UGT1A10: variants seen among roughly 807,000 people sequenced by gnomAD.
The protein encoded by UGT1A10 is UDP glucuronosyltransferase family 1 member A10.
A neutral mutation model predicts 45.8 loss-of-function variants in UGT1A10; 49 were observed. The ratio of observed to expected loss-of-function variants is 1.07; its 90% CI spans 0.85 to 1.36. The LOEUF (loss-of-function observed/expected upper bound fraction) is 1.36. Among genes scored for constraint, UGT1A10 ranks in the 40% most tolerant of loss-of-function variants. The pLI is 0.00. For synonymous variants in UGT1A10, 284 were observed against 249.7 expected, an observed-to-expected ratio of 1.14 and a Z score of -1.29; for missense variants, 745 against 668.6, an observed-to-expected ratio of 1.11 and a Z score of -1.26.
intron 1 of UGT1A10, among the ~76,000 whole-genome samples, chr2:233,677,374 G>A (rs767926381): frequency 9.2e-5 from 14 of 152,146 alleles, no homozygotes; most frequent in Admixed American, 4.6e-4. Flanking sequence ...ACCAACCCGT[G>A]TGTAGTAGAA....
At chr2:233,718,347 A>G (rs1195672744) in intron 1 of UGT1A10, among the ~76,000 whole-genome samples, 2 of 152,214 alleles carry the variant, frequency 1.3e-5, no homozygotes, top group African/African-American at 4.8e-5. Flanking sequence ...TGTCTTTTGG[A>G]TGTGCTGTGT....
chr2:233,752,100 A>T (rs1044606587), intron 1 of UGT1A10, among the ~76,000 whole-genome samples: 1 of 152,250 alleles, frequency 6.6e-6, no homozygotes, highest in Non-Finnish European at 1.5e-5. Context: ...GACAGAAAGT[A>T]GAATCAGAGG....
chr2:233,704,835 A>AT, intron 1 of UGT1A10, among the ~76,000 whole-genome samples: 1 of 152,086 alleles, frequency 6.6e-6, no homozygotes, highest in Non-Finnish European at 1.5e-5. Context: ...TGCTTTTAAA[A>AT]TCAGTTAAGA....
At chr2:233,638,266 T>G (rs1205273109) in intron 1 of UGT1A10, among the ~76,000 whole-genome samples, 3 of 152,206 alleles carry the variant, frequency 2.0e-5, no homozygotes, top group Non-Finnish European at 2.9e-5. Context: ...CATTTATTCC[T>G]TGGCATTTTA....
Position 233,699,187 on chromosome 2 carries a change from T to C in UGT1A10, c.855+61810T>C, listed in dbSNP as rs28898580. ...CTGTCTCTCTGATCCTCACTTCTTC[T>C]TCAGAATCTCATGCTGTTGCATGAA... On this transcript the variant is annotated intron_variant, in intron 1 of 4. Transcript: ENST00000344644. 4.1e-3 allele frequency among the ~76,000 whole-genome samples: 631 copies of C among 152,270 alleles called. 4 individuals are homozygous for C. The highest frequency in any genetic ancestry group is 0.015 in the African/African-American group (604 of 41,566).
chr2:233,699,964 G>A (rs985933821), intron 1 of UGT1A10, among the ~76,000 whole-genome samples: 3 of 152,126 alleles, frequency 2.0e-5, no homozygotes, highest in African/African-American at 4.8e-5. Flanking sequence ...AAAAATACCC[G>A]TCCCCCAACT....
At position 233,773,293 on chromosome 2, in the gene UGT1A10, A is replaced by C. The variant is rs1290134629; in HGVS notation, c.*734A>C. The C allele has an allele frequency of 1.3e-5, 2 of 152,208 alleles. No homozygotes were observed. Among genetic ancestry groups the C allele is most frequent in the African/African-American group, 4.8e-5 (2 of 41,466 alleles). The allele number at this position is 152,208 out of a possible 1,614,324, so 9.4% of individuals were successfully genotyped here. ...TAAAAATAAATTAATAAATTTATAT[A>C]AATTCTATTTAAGTGTTTTCACTGG... is the stretch of plus-strand genomic sequence containing the variant. On this transcript the variant is annotated 3_prime_UTR_variant, in exon 5 of 5. Transcript: ENST00000344644.
In UGT1A10 at chr2:233,731,080, T is replaced by C. The variant is rs548797519; in HGVS notation, c.856-35954T>C. Among the ~76,000 whole-genome samples, 7 of 152,364 alleles carry C rather than the reference T, an allele frequency of 4.6e-5. No individual in the cohort carries two copies. In the South Asian group the frequency reaches 1.2e-3, roughly 27 times the overall value. ...AACTTCCATGATTTAGATCCTTTTG[T>C]ATTCTTATTTCTGTGCCTTTTTTAT... On this transcript the variant is annotated intron_variant, in intron 1 of 4. Coordinates refer to ENST00000344644, the MANE Select transcript of UGT1A10 (RefSeq NM_019075.4).
chr2:233,669,953 G>A (rs1485403669), intron 1 of UGT1A10, among the ~76,000 whole-genome samples: 2 of 152,006 alleles, frequency 1.3e-5, no homozygotes, highest in East Asian at 3.9e-4. Flanking sequence ...CCAAAGTGCT[G>A]GGACTACAGG....
In UGT1A10 at chr2:233,637,171, C is replaced by G; in HGVS notation, c.649C>G (p.His217Asp). The change falls in exon 1 of 5, where the codon CAT (histidine) becomes GAT (aspartate). Residue 217 changes from histidine (H) to aspartate (D), a missense_variant. Coordinates refer to ENST00000344644, the MANE Select transcript of UGT1A10 (RefSeq NM_019075.4). The stretch of plus-strand genomic sequence containing the variant: ...GAACCACATCGTGCACTTGGAGGAC[C>G]ATTTATTTTGCCAGTATCTTTTTAG... ...VWNHIVHLEDHLFCQYLFRNA... is the reference protein window; with the variant it reads ...VWNHIVHLEDDLFCQYLFRNA... 6.2e-7 allele frequency: 1 copy of G among 1,613,958 alleles called. No individual in the cohort carries two copies. Among genetic ancestry groups the G allele is most frequent in the Non-Finnish European group, 8.5e-7 (1 of 1,179,858 alleles).
At position 233,713,557 on chromosome 2, in the gene UGT1A10, A is replaced by G. The variant is rs1233820517; in HGVS notation, c.856-53477A>G. 4 of 1,613,816 alleles carry G rather than the reference A, an allele frequency of 2.5e-6. No individual in the cohort carries two copies. The highest frequency in any genetic ancestry group is 2.2e-5 in the East Asian group (1 of 44,890). ...GACTTTAAGGGCACACAGTGTCCAA[A>G]CCCTTCCTCCTATATTCCTAGATTA... On this transcript the variant is annotated intron_variant, in intron 1 of 4. Transcript: ENST00000344644.
intron 1 of UGT1A10, among the ~76,000 whole-genome samples, chr2:233,722,976 C>T (rs1378643600): frequency 1.4e-5 from 2 of 146,460 alleles, no homozygotes; most frequent in Non-Finnish European, 3.0e-5. Context: ...AGGGATTGGT[C>T]CTGCTGTCTC....
intron 1 of UGT1A10, among the ~76,000 whole-genome samples, chr2:233,677,537 GAA>G (rs1343867399): frequency 1.3e-5 from 2 of 151,982 alleles, no homozygotes; most frequent in Admixed American, 1.3e-4. Context: ...GCTAGCTAGA[GAA>G]AAGAAAATGT....
At chr2:233,682,325 G>A in intron 1 of UGT1A10, 1 of 1,614,044 alleles carries the variant, frequency 6.2e-7, no homozygotes, top group Non-Finnish European at 8.5e-7. Flanking sequence ...TTTGTTTAAT[G>A]ACCGAAAATT....
chr2:233,658,581 C>A (rs755085455), intron 1 of UGT1A10, among the ~76,000 whole-genome samples: 1 of 152,058 alleles, frequency 6.6e-6, no homozygotes, highest in Non-Finnish European at 1.5e-5. Flanking sequence ...CAGTTCTGGT[C>A]GGATGTTCTG....
intron 1 of UGT1A10, among the ~76,000 whole-genome samples, chr2:233,669,357 C>T (rs148869478): frequency 5.3e-5 from 8 of 151,974 alleles, no homozygotes; most frequent in Non-Finnish European, 1.0e-4. Flanking sequence ...AAAAGATAGC[C>T]TGCTGGAATT....
rs374664471 is a variant in UGT1A10 at position 233,636,534 on chromosome 2, A to G, written c.12A>G (p.Ala4=). The G allele has an allele frequency of 9.3e-5, 150 of 1,613,180 alleles. No homozygotes were observed. The highest frequency in any genetic ancestry group is 1.2e-4 in the Non-Finnish European group (142 of 1,179,534). The change falls in exon 1 of 5, where the codon GCA becomes GCG. Residue 4 remains alanine (A), a synonymous_variant. Coordinates refer to ENST00000344644, the MANE Select transcript of UGT1A10 (RefSeq NM_019075.4). ...GCTGCAGTTCTCTCATGGCTCGCGC[A>G]GGGTGGACCAGCCCCGTTCCTTTAT... MAR[A]GWTSPVPLCV...
At chr2:233,711,679 T>C (rs1356077435) in intron 1 of UGT1A10, among the ~76,000 whole-genome samples, 1 of 152,190 alleles carries the variant, frequency 6.6e-6, no homozygotes. Context: ...CAATGTGGAT[T>C]TCTAATGGGG....
At chr2:233,683,513 A>G (rs1257714769) in intron 1 of UGT1A10, among the ~76,000 whole-genome samples, 1 of 152,092 alleles carries the variant, frequency 6.6e-6, no homozygotes, top group Admixed American at 6.5e-5. Context: ...TCATCCTATG[A>G]GTATGGTTGC....
Sources: allele counts gnomAD v4.1 joint callset (sites outside exome capture counted in the v4.1 genomes callset), GRCh38; gene constraint gnomAD v4.1.1; transcripts MANE v1.5; gene names NCBI Gene and HGNC (gene_info 2026-07-23, HGNC 2026-07-21).